Variants in TRAPPC9 observed in about 807,000 individuals in gnomAD.
TRAPPC9 encodes IKK2 binding protein.
TRAPPC9 carries 83 observed loss-of-function variants against 124.0 expected under a neutral mutation model. That is an observed-to-expected ratio of 0.67 (90% CI 0.56 to 0.80). The LOEUF is 0.80. TRAPPC9 is among the 30% of genes least tolerant of loss of function. The pLI is 0.00. For missense variants in TRAPPC9, 1,302 were observed against 1,508.3 expected, an observed-to-expected ratio of 0.86 and a Z score of 2.27; for synonymous variants, 638 against 617.5, an observed-to-expected ratio of 1.03 and a Z score of -0.49.
At chr8:139,779,450 G>T (rs918986377) in intron 21 of TRAPPC9, among the ~76,000 whole-genome samples, 3 of 152,170 alleles carry the variant, frequency 2.0e-5, no homozygotes, top group African/African-American at 7.2e-5. Flanking sequence ...GTAACTACAT[G>T]AGTAAATACA....
At chr8:140,447,661 C>G (rs907057271) in intron 2 of TRAPPC9, among the ~76,000 whole-genome samples, 2 of 152,056 alleles carry the variant, frequency 1.3e-5, no homozygotes, top group Non-Finnish European at 2.9e-5. Flanking sequence ...CTCCAGGTCC[C>G]GAAGGTAGAA....
intron 9 of TRAPPC9, among the ~76,000 whole-genome samples, chr8:140,344,532 G>A (rs116574776): frequency 8.5e-4 from 130 of 152,340 alleles, no homozygotes; most frequent in African/African-American, 2.6e-3. Flanking sequence ...CTAGCAAGGA[G>A]GGAGACTGAT....
chr8:140,418,308 T>C (rs2070017985), intron 5 of TRAPPC9, among the ~76,000 whole-genome samples: 1 of 151,976 alleles, frequency 6.6e-6, no homozygotes, highest in African/African-American at 2.4e-5. Flanking sequence ...TCATAAACTA[T>C]TCCAGAAAAC....
chr8:140,352,518 G>A (rs1428570844), intron 9 of TRAPPC9, among the ~76,000 whole-genome samples: 1 of 152,150 alleles, frequency 6.6e-6, no homozygotes, highest in Non-Finnish European at 1.5e-5. Flanking sequence ...CACTTTCAAG[G>A]GCGAGGTGGA....
chr8:140,384,923 A>G (rs1215881129), intron 7 of TRAPPC9, among the ~76,000 whole-genome samples: 1 of 152,256 alleles, frequency 6.6e-6, no homozygotes, highest in Non-Finnish European at 1.5e-5. Flanking sequence ...TTGGAAATAA[A>G]GCACTCCTCA....
intron 17 of TRAPPC9, chr8:140,040,764 C>G (rs139836464): frequency 6.6e-6 from 1 of 152,342 alleles, no homozygotes; most frequent in African/African-American, 2.4e-5. Context: ...AGCCAATTAT[C>G]ATGACCTCAA....
At chr8:139,870,381 C>T (rs1828823204) in intron 21 of TRAPPC9, among the ~76,000 whole-genome samples, 1 of 152,168 alleles carries the variant, frequency 6.6e-6, no homozygotes, top group Non-Finnish European at 1.5e-5. Flanking sequence ...ATGGTTCCAA[C>T]ACAGAAGATA....
intron 21 of TRAPPC9, among the ~76,000 whole-genome samples, chr8:139,830,092 C>T (rs145801664): frequency 9.1e-4 from 139 of 152,350 alleles, no homozygotes; most frequent in African/African-American, 3.2e-3. Flanking sequence ...AACAGAAATG[C>T]ACCTACAGAG....
intron 5 of TRAPPC9, among the ~76,000 whole-genome samples, chr8:140,423,306 G>T (rs2070287259): frequency 6.6e-6 from 1 of 152,088 alleles, no homozygotes; most frequent in South Asian, 2.1e-4. Context: ...CAGGCATGGT[G>T]GTGGGCACCT....
In TRAPPC9 at chr8:139,905,786, G is replaced by T. The variant is rs548391309; in HGVS notation, c.2964+4361C>A. Among the ~76,000 whole-genome samples the T allele has an allele frequency of 4.1e-4, 63 of 152,222 alleles. No individual in the cohort carries two copies. The South Asian group carries it at 0.013, about 31-fold the overall frequency. On this transcript the variant is annotated intron_variant, in intron 20 of 22. Transcript: ENST00000438773. ...GAATGATAAATAGGGTTTAAGAAAA[G>T]ATTTCCTAAAGAAAAAAGGGGTACC...
rs187623089 is a variant in TRAPPC9 at position 140,034,855 on chromosome 8, C to G, written c.2557-10776G>C. 5.3e-5 allele frequency among the ~76,000 whole-genome samples: 8 copies of G among 152,374 alleles called. No homozygotes were observed. The East Asian group carries it at 1.2e-3, about 22-fold the overall frequency. On this transcript the variant is annotated intron_variant, in intron 17 of 22. Coordinates refer to ENST00000438773, the MANE Select transcript of TRAPPC9 (RefSeq NM_001160372.4). ...CCGAAGGTCCTGCTCTTCCGGCAGC[C>G]CTATGCTGTCTCCCAGAGAAAGGCT...
In TRAPPC9 at chr8:140,092,816, A is replaced by T. The variant is rs141337588; in HGVS notation, c.2557-68737T>A. Among the ~76,000 whole-genome samples the T allele has an allele frequency of 3.7e-3, 557 of 152,344 alleles. 3 individuals are homozygous for T. The highest frequency in any genetic ancestry group is 0.013 in the African/African-American group (523 of 41,582). On this transcript the variant is annotated intron_variant, in intron 17 of 22. Coordinates refer to ENST00000438773, the MANE Select transcript of TRAPPC9 (RefSeq NM_001160372.4). ...ATATTTTTGTATTTGTTTTAAACAT[A>T]CAGCATAAGGGTTAAGAGAATGGAA... is the stretch of plus-strand genomic sequence containing the variant.
chr8:139,834,864 G>A (rs1028224615), intron 21 of TRAPPC9, among the ~76,000 whole-genome samples: 4 of 152,200 alleles, frequency 2.6e-5, no homozygotes, highest in African/African-American at 9.7e-5. Context: ...CCCCAGTAGC[G>A]GGGCTGTTGC....
At chr8:140,103,442 G>A (rs1266633104) in intron 17 of TRAPPC9, among the ~76,000 whole-genome samples, 4 of 152,196 alleles carry the variant, frequency 2.6e-5, no homozygotes, top group Admixed American at 1.3e-4. Flanking sequence ...GGCAATATCT[G>A]GTTGACATCC....
chr8:140,341,217 T>C (rs924633924), intron 9 of TRAPPC9, among the ~76,000 whole-genome samples: 4 of 152,092 alleles, frequency 2.6e-5, no homozygotes, highest in Non-Finnish European at 5.9e-5. Flanking sequence ...ATATAAAAAT[T>C]AATGTGTAGG....
intron 19 of TRAPPC9, among the ~76,000 whole-genome samples, chr8:139,958,129 G>A (rs1325183504): frequency 5.9e-5 from 9 of 152,222 alleles, no homozygotes; most frequent in Admixed American, 1.3e-4. Flanking sequence ...CACTGCCACT[G>A]CAGGCATGAG....
intron 19 of TRAPPC9, among the ~76,000 whole-genome samples, chr8:139,913,179 T>C (rs1831865309): frequency 6.6e-6 from 1 of 152,250 alleles, no homozygotes; most frequent in African/African-American, 2.4e-5. Context: ...CATCACACTC[T>C]ATTATCCTCC....
chr8:140,198,551 G>A (rs937740025), intron 17 of TRAPPC9, among the ~76,000 whole-genome samples: 6 of 151,984 alleles, frequency 3.9e-5, no homozygotes, highest in South Asian at 4.2e-4. Flanking sequence ...CAGCACTCCC[G>A]GCTCACTGGC....
intron 18 of TRAPPC9, among the ~76,000 whole-genome samples, chr8:139,989,110 C>A (rs752762448): frequency 1.3e-5 from 2 of 152,196 alleles, no homozygotes; most frequent in African/African-American, 4.8e-5. Context: ...CTTTTACCAA[C>A]CAAGTGGCCT....
Sources: gnomAD v4.1 joint callset for allele counts (sites outside exome capture counted in the v4.1 genomes callset) on GRCh38, gnomAD v4.1.1 for gene constraint, MANE v1.5 for transcripts, NCBI Gene and HGNC (gene_info 2026-07-23, HGNC 2026-07-21) for gene names.